Variants in PDE4D observed in about 807,000 individuals in gnomAD.
The protein encoded by PDE4D is phosphodiesterase 4D.
PDE4D carries 24 observed loss-of-function variants against 87.4 expected under a neutral mutation model. The observed-to-expected ratio is 0.27, with a 90% confidence interval of 0.20 to 0.39. PDE4D has a LOEUF of 0.39. PDE4D is among the 10% of genes least tolerant of loss of function. The pLI is 1.00. For synonymous variants in PDE4D, 384 were observed against 383.2 expected (o/e 1.00, Z -0.02); for missense variants, 714 against 1,041.0 (o/e 0.69, Z 4.32).
At chr5:59,179,508 A>G in intron 5 of PDE4D, 2 of 323,284 alleles carry the variant, frequency 6.2e-6, no homozygotes, top group Non-Finnish European at 1.2e-5. Flanking sequence ...AAAGAGAAAC[A>G]TGAAGAAGAG....
At chr5:59,947,541 T>A (rs1298040333) in intron 3 of PDE4D, among the ~76,000 whole-genome samples, 1 of 152,208 alleles carries the variant, frequency 6.6e-6, no homozygotes, top group African/African-American at 2.4e-5. Context: ...GATGTTTAGT[T>A]CATCCTGAGC....
At chr5:60,189,903 G>A (rs992985199) in intron 1 of PDE4D, among the ~76,000 whole-genome samples, 1 of 152,190 alleles carries the variant, frequency 6.6e-6, no homozygotes, top group African/African-American at 2.4e-5. Context: ...TGATCAAGGT[G>A]TAATGGATTA....
At chr5:59,124,246 C>T (rs1347304837) in intron 5 of PDE4D, among the ~76,000 whole-genome samples, 1 of 152,164 alleles carries the variant, frequency 6.6e-6, no homozygotes, top group East Asian at 1.9e-4. Flanking sequence ...TTTTATTTGA[C>T]ACGTGAGGAC....
chr5:59,578,782 G>A lies in PDE4D; in HGVS notation c.455+314386C>T, dbSNP rs186350573. Among the ~76,000 whole-genome samples, 51 of 152,076 alleles carry A rather than the reference G, an allele frequency of 3.4e-4. 1 individual carries two copies. Among genetic ancestry groups the A allele is most frequent in the Non-Finnish European group, 5.7e-4 (39 of 67,982 alleles). On this transcript the variant is annotated intron_variant, in intron 1 of 14. Coordinates refer to ENST00000340635, the MANE Select transcript of PDE4D (RefSeq NM_001104631.2). Reference sequence around the variant, plus strand: ...CACCTACCTAATCTCCACATTATCTGCATTCTCCCTCCTTTTCCTCCCCCT... The same window carrying A: ...CACCTACCTAATCTCCACATTATCTACATTCTCCCTCCTTTTCCTCCCCCT...
chr5:59,260,159 A>G (rs576562740), intron 1 of PDE4D, among the ~76,000 whole-genome samples: 9 of 151,902 alleles, frequency 5.9e-5, no homozygotes, highest in African/African-American at 1.7e-4. Context: ...GTTGGTTCCC[A>G]TTCTGAATTT....
At chr5:59,415,777 TTAAAA>T (rs1400029181) in intron 1 of PDE4D, among the ~76,000 whole-genome samples, 1 of 152,212 alleles carries the variant, frequency 6.6e-6, no homozygotes, top group African/African-American at 2.4e-5. Flanking sequence ...TGTTTACAAG[TTAAAA>T]TAATCTGATA....
chr5:59,383,581 C>T (rs1473355330), intron 1 of PDE4D, among the ~76,000 whole-genome samples: 1 of 152,106 alleles, frequency 6.6e-6, no homozygotes, highest in Non-Finnish European at 1.5e-5. Flanking sequence ...CCCTACCACT[C>T]CATATAAGCT....
intron 1 of PDE4D, among the ~76,000 whole-genome samples, chr5:59,217,570 TTATAGA>T: frequency 6.6e-6 from 1 of 152,274 alleles, no homozygotes; most frequent in East Asian, 1.9e-4. Context: ...TTGTGTCTCT[TTATAGA>T]TATATTTATT....
At chr5:59,958,818 A>G (rs1316443547) in intron 3 of PDE4D, among the ~76,000 whole-genome samples, 1 of 152,134 alleles carries the variant, frequency 6.6e-6, no homozygotes, top group African/African-American at 2.4e-5. Context: ...TTCCTATTCA[A>G]CATAGTAACG....
chr5:59,176,355 C>T (rs1430053748), intron 5 of PDE4D, among the ~76,000 whole-genome samples: 1 of 152,058 alleles, frequency 6.6e-6, no homozygotes, highest in Non-Finnish European at 1.5e-5. Flanking sequence ...GAGTTCAAGA[C>T]CATCCTGGCT....
chr5:60,266,345 T>A (rs78081126), intron 1 of PDE4D, among the ~76,000 whole-genome samples: 1,566 of 152,330 alleles, frequency 0.01, 29 homozygotes, highest in African/African-American at 0.035. Context: ...AGTACTTTTT[T>A]AATATAATTT....
At chr5:59,905,543 G>A (rs570204301) in intron 3 of PDE4D, among the ~76,000 whole-genome samples, 29 of 152,142 alleles carry the variant, frequency 1.9e-4, no homozygotes, top group Admixed American at 3.9e-4. Flanking sequence ...CTGAGTTTCC[G>A]TTTCAGCTCC....
At chr5:59,338,769 C>G (rs1178102504) in intron 1 of PDE4D, among the ~76,000 whole-genome samples, 1 of 152,178 alleles carries the variant, frequency 6.6e-6, no homozygotes, top group Non-Finnish European at 1.5e-5. Context: ...TTGAACAAAA[C>G]TGCTAAATAA....
intron 1 of PDE4D, among the ~76,000 whole-genome samples, chr5:59,301,922 A>G (rs1239045397): frequency 6.6e-6 from 1 of 152,108 alleles, no homozygotes; most frequent in Non-Finnish European, 1.5e-5. Context: ...ATGAGCAACA[A>G]CTTCCTCATA....
intron 1 of PDE4D, among the ~76,000 whole-genome samples, chr5:59,612,041 A>G (rs1187996052): frequency 6.6e-6 from 1 of 152,152 alleles, no homozygotes. Context: ...GAACAGCACA[A>G]TGTCTCATTA....
At chr5:59,940,193 T>C (rs1757031191) in intron 3 of PDE4D, among the ~76,000 whole-genome samples, 2 of 152,174 alleles carry the variant, frequency 1.3e-5, no homozygotes, top group South Asian at 4.1e-4. Flanking sequence ...AGGCATGAAA[T>C]GAGGTTTAGA....
At chr5:59,237,714 T>C (rs1187291895) in intron 1 of PDE4D, among the ~76,000 whole-genome samples, 4 of 151,294 alleles carry the variant, frequency 2.6e-5, no homozygotes, top group African/African-American at 9.7e-5. Flanking sequence ...TGTCAGACAA[T>C]ATATCTAATC....
chr5:59,937,634 C>T (rs1363468785), intron 3 of PDE4D, among the ~76,000 whole-genome samples: 1 of 152,172 alleles, frequency 6.6e-6, no homozygotes, highest in Non-Finnish European at 1.5e-5. Flanking sequence ...TCTTATAAGG[C>T]CACTAATCCT....
In PDE4D at chr5:58,983,598, GCAGGGTCTTGCTC is replaced by G. The variant is rs745606682; in HGVS notation, c.1552+4882_1552+4894del. 5.9e-4 allele frequency among the ~76,000 whole-genome samples: 90 copies of G among 152,246 alleles called. 1 individual carries two copies. The highest frequency in any genetic ancestry group is 3.9e-4 in the Admixed American group (6 of 15,296). ...GTTAGTTATCTTTCTTTGGATGATG[GCAGGGTCTTGCTC>G]CAGAGTCTGTGCTGTGATTCACACA... is the stretch of plus-strand genomic sequence containing the variant. On this transcript the variant is annotated intron_variant, in intron 11 of 14. Transcript: ENST00000340635.
Sources: gnomAD v4.1 joint callset for allele counts (sites outside exome capture counted in the v4.1 genomes callset) on GRCh38, gnomAD v4.1.1 for gene constraint, MANE v1.5 for transcripts, NCBI Gene and HGNC (gene_info 2026-07-23, HGNC 2026-07-21) for gene names.